The following CR1L variants were observed in gnomAD, a reference collection of about 807,000 sequenced individuals.
The protein encoded by CR1L is complement component receptor 1-like protein.
Under a neutral mutation model 62.3 loss-of-function variants are expected in CR1L, and 59 were observed. The ratio of observed to expected loss-of-function variants is 0.95; its 90% CI spans 0.77 to 1.18. The LOEUF (loss-of-function observed/expected upper bound fraction) is 1.18. CR1L is among the 50% of genes most tolerant of loss of function. The pLI, the probability that CR1L is intolerant of heterozygous loss-of-function variation, is 0.00. For missense variants in CR1L, 700 were observed against 702.8 expected, an observed-to-expected ratio of 1.00 and a Z score of 0.04; for synonymous variants, 279 against 248.7, an observed-to-expected ratio of 1.12 and a Z score of -1.15.
chr1:207,683,643 A>T (rs1253694320), intron 3 of CR1L, among the ~76,000 whole-genome samples: 4 of 152,266 alleles, frequency 2.6e-5, no homozygotes, highest in African/African-American at 9.6e-5. Context: ...TTATATAAAA[A>T]TGTGTCATAA....
At chr1:207,650,333 T>G (rs1663203234) in intron 1 of CR1L, among the ~76,000 whole-genome samples, 1 of 152,158 alleles carries the variant, frequency 6.6e-6, no homozygotes. Flanking sequence ...CAGAGTGGTT[T>G]GCTCTCCTAA....
chr1:207,684,146 A>G (rs932844176), intron 4 of CR1L, 189 bp downstream of exon 4: 1 of 446,560 alleles, frequency 2.2e-6, no homozygotes, highest in African/African-American at 2.0e-5. Context: ...TTATCCTGGG[A>G]TGTGTCTTTT....
At chr1:207,696,926 C>T (rs1664108440) in intron 5 of CR1L, among the ~76,000 whole-genome samples, 1 of 152,172 alleles carries the variant, frequency 6.6e-6, no homozygotes, top group South Asian at 2.1e-4. Flanking sequence ...AATGACTAGG[C>T]AGCACCTTGC....
intron 11 of CR1L, among the ~76,000 whole-genome samples, chr1:207,721,581 C>T (rs1305983987): frequency 6.8e-6 from 1 of 147,080 alleles, no homozygotes; most frequent in Non-Finnish European, 1.5e-5. Flanking sequence ...TTTCTTAATC[C>T]AGTCTATCAT....
chr1:207,655,267 T>C, intron 1 of CR1L: 1 of 704,378 alleles, frequency 1.4e-6, no homozygotes, highest in Non-Finnish European at 2.4e-6. Context: ...AAGCCCCCAA[T>C]ATGTGAAAGT....
chr1:207,681,197 C>G (rs571453862), intron 3 of CR1L, among the ~76,000 whole-genome samples: 1 of 152,340 alleles, frequency 6.6e-6, no homozygotes, highest in African/African-American at 2.4e-5. Flanking sequence ...CCAGGCTTCA[C>G]TGTCCCTCTT....
Position 207,656,092 on chromosome 1 carries a change from G to C in CR1L, c.97+10762G>C, listed in dbSNP as rs537919114. Among the ~76,000 whole-genome samples, 4 of 152,228 alleles carry C rather than the reference G, an allele frequency of 2.6e-5. No homozygotes were observed. In the South Asian group the frequency reaches 8.3e-4, roughly 32 times the overall value. On this transcript the variant is annotated intron_variant, in intron 1 of 11. Transcript: ENST00000508064. ...TCTCTACTAAAAATACAAAAAATTAGCCAGGCGTGGTGGTAGCAGCCTGTA... is the reference window on the plus strand; with the variant it reads ...TCTCTACTAAAAATACAAAAAATTACCCAGGCGTGGTGGTAGCAGCCTGTA...
intron 5 of CR1L, 116 bp from the exon 6 acceptor site, chr1:207,697,387 T>C: frequency 6.3e-7 from 1 of 1,590,742 alleles, no homozygotes; most frequent in Non-Finnish European, 8.6e-7. Flanking sequence ...AATAAGGCTG[T>C]TATTCTACCT....
In CR1L at chr1:207,698,911, C is replaced by A. The variant is rs550874275; in HGVS notation, c.1143-278C>A. 2.6e-5 allele frequency among the ~76,000 whole-genome samples: 4 copies of A among 152,304 alleles called. No homozygotes were observed. In the South Asian group the frequency reaches 6.2e-4, roughly 24 times the overall value. ...ATGACAATGAGTAATCAGTGAAACT[C>A]CAAGCCTGGGTCCTGGGTCAAGGAG... is the stretch of plus-strand genomic sequence containing the variant. On this transcript the variant is annotated intron_variant, in intron 7 of 11. Transcript: ENST00000508064.
At chr1:207,698,504 C>T (rs964239622) in intron 7 of CR1L, among the ~76,000 whole-genome samples, 1 of 152,166 alleles carries the variant, frequency 6.6e-6, no homozygotes, top group African/African-American at 2.4e-5. Flanking sequence ...CATCTCTACA[C>T]GGGAGCTGAC....
Position 207,687,055 on chromosome 1 carries a change from C to A in CR1L, c.463+3098C>A, listed in dbSNP as rs951266059. ...AGCCCAAATAGACTAAGACATTGGG[C>A]AACCAGCACCGCCAATTAATTCCGG... On this transcript the variant is annotated intron_variant, in intron 4 of 11. Coordinates refer to ENST00000508064, the MANE Select transcript of CR1L (RefSeq NM_175710.2). Among the ~76,000 whole-genome samples the A allele has an allele frequency of 4.6e-5, 7 of 152,214 alleles. No individual in the cohort carries two copies. The South Asian group carries it at 8.3e-4, about 18-fold the overall frequency.
chr1:207,676,217 C>G (rs1379975140), intron 1 of CR1L, among the ~76,000 whole-genome samples: 1 of 152,126 alleles, frequency 6.6e-6, no homozygotes, highest in Non-Finnish European at 1.5e-5. Context: ...TTTCTTCAAA[C>G]TAGCAGAGAC....
intron 4 of CR1L, among the ~76,000 whole-genome samples, chr1:207,687,860 C>T (rs533717265): frequency 6.6e-6 from 1 of 152,264 alleles, no homozygotes; most frequent in African/African-American, 2.4e-5. Flanking sequence ...GTCTTTCAGG[C>T]TATGGCTTTT....
chr1:207,688,480 T>C (rs996330086), intron 4 of CR1L, among the ~76,000 whole-genome samples: 1 of 152,364 alleles, frequency 6.6e-6, no homozygotes, highest in African/African-American at 2.4e-5. Flanking sequence ...TTAATTACTA[T>C]AGCATGACAT....
rs534234800 is a variant in CR1L, at chr1:207,669,977, G to C, written c.98-7412G>C. 6.6e-5 allele frequency among the ~76,000 whole-genome samples: 10 copies of C among 151,292 alleles called. 1 individual carries two copies. The South Asian group carries it at 8.3e-4, about 13-fold the overall frequency. On this transcript the variant is annotated intron_variant, in intron 1 of 11. Coordinates refer to ENST00000508064, the MANE Select transcript of CR1L (RefSeq NM_175710.2). ...TCCTAGAAACTTAACTGTGAGGCAAGTTAGCACACCTAAGTCTGTTTGCTC... is the reference window on the plus strand; with the variant it reads ...TCCTAGAAACTTAACTGTGAGGCAACTTAGCACACCTAAGTCTGTTTGCTC...
rs746140853 is a variant in CR1L, at chr1:207,694,728, C to G, written c.839C>G (p.Pro280Arg). Reference sequence around the variant, plus strand: ...TGCCAGGCCCTGAACAAATGGGAGCCAGAGTTACCAAGCTGCTCCAGGGGT... The same window carrying G: ...TGCCAGGCCCTGAACAAATGGGAGCGAGAGTTACCAAGCTGCTCCAGGGGT... ...VKCQALNKWE[P>R]ELPSCSRVCQ... The change falls in exon 5 of 12, where the codon CCA becomes CGA. Residue 280 changes from proline to arginine, a missense_variant. Transcript: ENST00000508064. 1.2e-6 allele frequency: 2 copies of G among 1,611,872 alleles called. No individual in the cohort carries two copies. Among genetic ancestry groups the G allele is most frequent in the Non-Finnish European group, 1.7e-6 (2 of 1,179,724 alleles).
At chr1:207,648,076 A>AG (rs1663159998) in intron 1 of CR1L, among the ~76,000 whole-genome samples, 1 of 151,706 alleles carries the variant, frequency 6.6e-6, no homozygotes, top group Non-Finnish European at 1.5e-5. Flanking sequence ...AAGGGCGTGA[A>AG]GGGGGAGGAT....
chr1:207,696,073 G>A (rs1664097372), intron 5 of CR1L, among the ~76,000 whole-genome samples: 1 of 152,176 alleles, frequency 6.6e-6, no homozygotes, highest in South Asian at 2.1e-4. Flanking sequence ...ATAGGACGAA[G>A]GCAGAGTTAC....
intron 9 of CR1L, among the ~76,000 whole-genome samples, chr1:207,707,844 A>C (rs1367974518): frequency 7.0e-6 from 1 of 142,576 alleles, no homozygotes; most frequent in African/African-American, 2.6e-5. Flanking sequence ...CGCAAACAAA[A>C]AATGGCAGAA....
Sources: gnomAD v4.1 joint callset for allele counts (sites outside exome capture counted in the v4.1 genomes callset) on GRCh38, gnomAD v4.1.1 for gene constraint, MANE v1.5 for transcripts, NCBI Gene and HGNC (gene_info 2026-07-23, HGNC 2026-07-21) for gene names.